SPEF2: variants seen among roughly 807,000 people sequenced by gnomAD.
SPEF2 encodes the protein sperm flagellar and cilia associated 2.
SPEF2 carries 187 observed loss-of-function variants against 224.6 expected under a neutral mutation model. That is an observed-to-expected ratio of 0.83 (90% CI 0.74 to 0.94). SPEF2 has a LOEUF of 0.94. Ranked by LOEUF, SPEF2 falls within the 40% of genes least tolerant of loss-of-function variation. The probability of loss-of-function intolerance (pLI) is 0.00; values close to 1 mark genes in which losing one functional copy is unlikely to be tolerated. For missense variants in SPEF2, 2,170 were observed against 2,135.6 expected (o/e 1.02, Z -0.32); for synonymous variants, 715 against 707.3 (o/e 1.01, Z -0.17).
chr5:35,702,240 A>G, intron 16 of SPEF2: 1 of 456,226 alleles, frequency 2.2e-6, no homozygotes, highest in Non-Finnish European at 4.4e-6. Context: ...CTATGGAGGA[A>G]CCTGAAGAAC....
intron 14 of SPEF2, among the ~76,000 whole-genome samples, chr5:35,696,871 G>A (rs943765418): frequency 3.3e-5 from 5 of 152,106 alleles, no homozygotes; most frequent in Admixed American, 2.0e-4. Flanking sequence ...TGAAAGAGGT[G>A]AGAGAACCTG....
At chr5:35,712,992 C>T (rs1741486471) in intron 20 of SPEF2, 106 bp downstream of exon 20, 1 of 1,011,968 alleles carries the variant, frequency 9.9e-7, no homozygotes, top group African/African-American at 1.6e-5. Context: ...CCACTTCTCT[C>T]AGGCATTTGT....
intron 10 of SPEF2, among the ~76,000 whole-genome samples, chr5:35,688,234 A>G (rs1330630863): frequency 7.0e-6 from 1 of 142,876 alleles, no homozygotes; most frequent in East Asian, 2.2e-4. Context: ...TTCTAGAGAC[A>G]GTGCTGCTTC....
chr5:35,690,264 A>G (rs574792391), intron 10 of SPEF2, among the ~76,000 whole-genome samples: 71 of 152,106 alleles, frequency 4.7e-4, no homozygotes, highest in Non-Finnish European at 9.1e-4. Flanking sequence ...TCAGTAGCTT[A>G]TTATTTGCTC....
At chr5:35,793,557 C>T (rs1457415799) in intron 32 of SPEF2, among the ~76,000 whole-genome samples, 1 of 152,194 alleles carries the variant, frequency 6.6e-6, no homozygotes, top group South Asian at 2.1e-4. Flanking sequence ...GTCAGAACTT[C>T]CAGGAGAACA....
chr5:35,689,565 A>G (rs921142039), intron 10 of SPEF2, among the ~76,000 whole-genome samples: 7 of 152,184 alleles, frequency 4.6e-5, no homozygotes, highest in African/African-American at 1.7e-4. Context: ...GTCCATGTAT[A>G]CTCAATGTTT....
intron 20 of SPEF2, among the ~76,000 whole-genome samples, chr5:35,717,655 T>C (rs7725807): frequency 0.78 from 118,651 of 151,884 alleles, 46,500 homozygotes; most frequent in East Asian, 0.85. Flanking sequence ...AGAGTCCCTC[T>C]ACTAGAGCCC....
chr5:35,702,104 AG>A (rs201457111), intron 16 of SPEF2: 28 of 413,254 alleles, frequency 6.8e-5, no homozygotes, highest in Middle Eastern at 5.6e-4. Flanking sequence ...TCATAAGCCA[AG>A]GGAGGACAAA....
At chr5:35,751,474 GTAAT>G (rs954751233) in intron 23 of SPEF2, among the ~76,000 whole-genome samples, 119 of 151,480 alleles carry the variant, frequency 7.9e-4, no homozygotes, top group Admixed American at 2.0e-3. Flanking sequence ...GAAAAATAAG[GTAAT>G]TAATTAATTA....
intron 30 of SPEF2, among the ~76,000 whole-genome samples, chr5:35,785,865 A>G (rs1236850339): frequency 6.6e-6 from 1 of 151,872 alleles, no homozygotes; most frequent in Non-Finnish European, 1.5e-5. Context: ...TCAATGTGTC[A>G]TGCAATTTCA....
chr5:35,646,724 A>G lies in SPEF2; in HGVS notation c.643A>G (p.Ile215Val). 6.2e-7 allele frequency: 1 copy of G among 1,614,038 alleles called. No individual in the cohort carries two copies. Among genetic ancestry groups the G allele is most frequent in the South Asian group, 1.1e-5 (1 of 91,072 alleles). Residue 215 changes from isoleucine to valine, a missense_variant, in exon 5 of 37, where the codon ATA (isoleucine) becomes GTA (valine). Physicochemically the swap from Ile to Val is conservative, Grantham distance 29. Coordinates refer to ENST00000356031, the MANE Select transcript of SPEF2 (RefSeq NM_024867.4). ...EIMAKIQAAI[I>V]QIPKPASNRT... ...AATGGCCAAAATCCAAGCAGCTATTATACAGATTCCTAAACCTGCATCAAA... is the reference window on the plus strand; with the variant it reads ...AATGGCCAAAATCCAAGCAGCTATTGTACAGATTCCTAAACCTGCATCAAA...
chr5:35,795,103 A>G (rs1312028114), intron 32 of SPEF2, among the ~76,000 whole-genome samples: 1 of 152,162 alleles, frequency 6.6e-6, no homozygotes, highest in Non-Finnish European at 1.5e-5. Context: ...GGACAGTAAA[A>G]TAGTATGCTT....
intron 1 of SPEF2, among the ~76,000 whole-genome samples, chr5:35,622,128 C>G (rs149854484): frequency 6.6e-6 from 1 of 152,062 alleles, no homozygotes; most frequent in Non-Finnish European, 1.5e-5. Flanking sequence ...AAGAGACAGT[C>G]TATGCTCCTT....
chr5:35,807,265 C>T lies in SPEF2; in HGVS notation c.5379+12C>T. 6.2e-7 allele frequency: 1 copy of T among 1,605,394 alleles called. No individual in the cohort carries two copies. Among genetic ancestry groups the T allele is most frequent in the Non-Finnish European group, 8.5e-7 (1 of 1,177,826 alleles). On this transcript the variant is annotated intron_variant, in intron 36 of 36. Coordinates refer to ENST00000356031, the MANE Select transcript of SPEF2 (RefSeq NM_024867.4). ...ACTATAAGTTTCCTGTGAGTATTAC[C>T]CCAAAGTGCTCTAATTTGGTTGGGC...
intron 28 of SPEF2, among the ~76,000 whole-genome samples, chr5:35,774,916 C>A (rs576503108): frequency 6.6e-6 from 1 of 152,156 alleles, no homozygotes; most frequent in African/African-American, 2.4e-5. Context: ...ATGCATCTCC[C>A]ATATTGCCTG....
intron 16 of SPEF2, among the ~76,000 whole-genome samples, chr5:35,703,354 G>T (rs1168657148): frequency 2.0e-5 from 3 of 152,148 alleles, no homozygotes; most frequent in African/African-American, 7.2e-5. Context: ...GTTTAGGTTT[G>T]CTAGAAAGCA....
intron 21 of SPEF2, among the ~76,000 whole-genome samples, chr5:35,731,378 C>G (rs1745616811): frequency 1.3e-5 from 2 of 152,148 alleles, no homozygotes; most frequent in Non-Finnish European, 1.5e-5. Context: ...CACACAAACA[C>G]TTTTTAGGTG....
At chr5:35,712,924 C>A in intron 20 of SPEF2, 38 bp downstream of exon 20, 2 of 1,551,032 alleles carry the variant, frequency 1.3e-6, no homozygotes, top group Non-Finnish European at 8.8e-7. Flanking sequence ...ACATGTAATT[C>A]TGCATTTTAT....
At chr5:35,657,176 A>T (rs1019007304) in intron 7 of SPEF2, among the ~76,000 whole-genome samples, 4 of 152,218 alleles carry the variant, frequency 2.6e-5, no homozygotes, top group Admixed American at 1.3e-4. Context: ...TTTGCACTTA[A>T]TCCATCAGAA....
Sources: allele counts gnomAD v4.1 joint callset (sites outside exome capture counted in the v4.1 genomes callset), GRCh38; gene constraint gnomAD v4.1.1; transcripts MANE v1.5; gene names NCBI Gene and HGNC (gene_info 2026-07-23, HGNC 2026-07-21).